CCDC149: variants seen among roughly 807,000 people sequenced by gnomAD.
CCDC149 encodes the protein coiled-coil domain containing 149, also known as coiled-coil domain-containing protein 149.
In CCDC149, 45 loss-of-function variants were observed where a neutral mutation model predicts 59.9. That is an observed-to-expected ratio of 0.75 (90% CI 0.59 to 0.96). The LOEUF is 0.96. CCDC149 is among the 40% of genes least tolerant of loss of function. The pLI is 0.00. For missense variants in CCDC149, 584 were observed against 664.7 expected (o/e 0.88, Z 1.33); for synonymous variants, 245 against 260.6 (o/e 0.94, Z 0.58).
intron 1 of CCDC149, among the ~76,000 whole-genome samples, chr4:24,892,346 G>T (rs771242862): frequency 6.6e-6 from 1 of 152,160 alleles, no homozygotes; most frequent in Non-Finnish European, 1.5e-5. Flanking sequence ...AGGATTAAAT[G>T]AGATAATGAA....
intron 1 of CCDC149, among the ~76,000 whole-genome samples, chr4:24,912,088 C>G (rs1577480283): frequency 6.6e-6 from 1 of 152,128 alleles, no homozygotes; most frequent in Non-Finnish European, 1.5e-5. Context: ...CAGCTTCTCC[C>G]GGCAGGCCGG....
At chr4:24,804,415 C>T (rs942021881), downstream of CCDC149, among the ~76,000 whole-genome samples, 2 of 143,636 alleles carry the variant, frequency 1.4e-5, no homozygotes, top group African/African-American at 5.2e-5. Context: ...CGCTTGAACT[C>T]GGGAAGTGGA....
chr4:24,920,762 A>G (rs950776505), intron 1 of CCDC149, among the ~76,000 whole-genome samples: 1 of 152,220 alleles, frequency 6.6e-6, no homozygotes, highest in African/African-American at 2.4e-5. Context: ...TATATATTAC[A>G]CAAGTATTAA....
chr4:24,813,820 G>T (rs149363573), intron 12 of CCDC149, among the ~76,000 whole-genome samples: 1 of 152,122 alleles, frequency 6.6e-6, no homozygotes, highest in Admixed American at 6.5e-5. Context: ...AGAAATGAAA[G>T]AGTGAAATCA....
intron 8 of CCDC149, among the ~76,000 whole-genome samples, 153 bp downstream of exon 8, chr4:24,834,795 G>A (rs1359221481): frequency 1.3e-5 from 2 of 152,136 alleles, no homozygotes; most frequent in Non-Finnish European, 1.5e-5. Flanking sequence ...AGGCCCTCCC[G>A]GCAACTCTGA....
chr4:24,968,202 C>T (rs1006501472), intron 1 of CCDC149, among the ~76,000 whole-genome samples: 2 of 152,138 alleles, frequency 1.3e-5, no homozygotes, highest in South Asian at 2.1e-4. Flanking sequence ...TGGCAGTGCA[C>T]GGGGTGCTTG....
chr4:24,894,909 G>A, intron 1 of CCDC149: 2 of 1,515,768 alleles, frequency 1.3e-6, no homozygotes, highest in South Asian at 2.4e-5. Flanking sequence ...CAGCCATTTA[G>A]GCTTTCTGAT....
intron 1 of CCDC149, among the ~76,000 whole-genome samples, chr4:24,933,320 G>A (rs929667399): frequency 2.6e-5 from 4 of 152,214 alleles, no homozygotes; most frequent in East Asian, 3.9e-4. Flanking sequence ...TGGTAATAAC[G>A]CCCAAGTCAT....
intron 1 of CCDC149, among the ~76,000 whole-genome samples, chr4:24,932,564 G>A (rs137948515): frequency 3.2e-3 from 489 of 152,228 alleles, no homozygotes; most frequent in African/African-American, 0.011. Context: ...AAGTCTATTT[G>A]GTCTTCTTTT....
Position 24,837,515 on chromosome 4 carries a change from C to T in CCDC149, c.490-115G>A, listed in dbSNP as rs1019544338. The T allele has an allele frequency of 8.8e-6, 8 of 911,428 alleles. No homozygotes were observed. The highest frequency in any genetic ancestry group is 5.0e-5 in the African/African-American group (3 of 59,924). 56.5% of individuals were successfully genotyped at this position (911,428 alleles called of 1,614,324 possible). ...TTTTAGAGAGTTTATTAACACTACC[C>T]GCATGCCCTAAAGCCATAAGCGCCA... is the stretch of plus-strand genomic sequence containing the variant. On this transcript the variant is annotated intron_variant, in intron 5 of 12. Transcript: ENST00000635206. This position sits in a 1 kb window ranked among gnomAD's most constrained non-coding sequence, Gnocchi z 4.3.
chr4:24,804,510 G>A (rs74494654), downstream of CCDC149, among the ~76,000 whole-genome samples: 9 of 127,580 alleles, frequency 7.1e-5, no homozygotes, highest in Non-Finnish European at 6.6e-5. Flanking sequence ...AAAAAAAAAA[G>A]AAGTAGGGTA....
intron 8 of CCDC149, 148 bp from the exon 9 acceptor site, chr4:24,831,798 A>C: frequency 1.6e-6 from 1 of 635,748 alleles, no homozygotes; most frequent in South Asian, 2.7e-5. Context: ...AGTGTCAACA[A>C]AACAAAGTAA....
chr4:24,872,646 CACCCACAGAATGGTATGA>C (rs1425837763), intron 3 of CCDC149, among the ~76,000 whole-genome samples: 9 of 151,830 alleles, frequency 5.9e-5, no homozygotes, highest in African/African-American at 2.2e-4. Flanking sequence ...GAATGGTATG[CACCCACAGAATGGTATGA>C]ACCCACTGAA....
chr4:24,817,080 G>A (rs1715064229), intron 12 of CCDC149, among the ~76,000 whole-genome samples: 1 of 152,172 alleles, frequency 6.6e-6, no homozygotes. Flanking sequence ...AGCTAATGAT[G>A]CAACTCTGGA....
chr4:24,931,829 G>GTA lies in CCDC149; in HGVS notation c.-64-36713_-64-36712dup, dbSNP rs57205804. ...CTCCCTTATATTGTATGGAGAGTATGTATATATATATATATATATATATGC... is the reference window on the plus strand; with the variant it reads ...CTCCCTTATATTGTATGGAGAGTATGTATATATATATATATATATATATATGC... On this transcript the variant is annotated intron_variant, in intron 1 of 12. Transcript: ENST00000389609. Among the ~76,000 whole-genome samples, 287 of 76,936 alleles carry GTA rather than the reference G, an allele frequency of 3.7e-3. 38 individuals carry two copies. Among genetic ancestry groups the GTA allele is most frequent in the African/African-American group, 0.015 (243 of 16,502 alleles). 50.5% of individuals were successfully genotyped at this position (76,936 alleles called of 152,430 possible).
intron 1 of CCDC149, among the ~76,000 whole-genome samples, chr4:24,954,527 T>G (rs1178629611): frequency 6.6e-5 from 10 of 152,224 alleles, no homozygotes; most frequent in Non-Finnish European, 1.2e-4. Flanking sequence ...ATTAGCACCA[T>G]GTGGATGCCA....
At chr4:24,940,618 A>G (rs1039962542) in intron 1 of CCDC149, among the ~76,000 whole-genome samples, 1 of 152,264 alleles carries the variant, frequency 6.6e-6, no homozygotes, top group Non-Finnish European at 1.5e-5. Flanking sequence ...ATAAAGAGTC[A>G]AGACCCATCA....
intron 1 of CCDC149, among the ~76,000 whole-genome samples, chr4:24,907,881 G>A (rs1432687481): frequency 1.3e-5 from 2 of 152,118 alleles, no homozygotes; most frequent in Non-Finnish European, 2.9e-5. Flanking sequence ...AGTTTCCGGT[G>A]GTCACCAGCA....
chr4:24,862,633 C>T (rs527617238), intron 3 of CCDC149, among the ~76,000 whole-genome samples: 1 of 152,166 alleles, frequency 6.6e-6, no homozygotes, highest in Non-Finnish European at 1.5e-5. Context: ...ACCTCTTGGG[C>T]CCTGTTGGAG....
Sources: allele counts gnomAD v4.1 joint callset (sites outside exome capture counted in the v4.1 genomes callset), GRCh38; gene constraint gnomAD v4.1.1; non-coding constraint Gnocchi (gnomAD v3.1); transcripts MANE v1.5; gene names NCBI Gene and HGNC (gene_info 2026-07-23, HGNC 2026-07-21).